The following SH2D4B variants were observed in gnomAD, a reference collection of about 807,000 sequenced individuals.
SH2D4B encodes the protein SH2 domain-containing protein 4B.
A neutral mutation model predicts 61.5 loss-of-function variants in SH2D4B; 45 were observed. The observed-to-expected ratio is 0.73, with a 90% CI of 0.58 to 0.94. The LOEUF is 0.94. Ranked by LOEUF, SH2D4B falls within the 40% of genes least tolerant of loss-of-function variation. The pLI is 0.00. For missense variants in SH2D4B, 572 were observed against 574.2 expected, an observed-to-expected ratio of 1.00 and a Z score of 0.04; for synonymous variants, 224 against 220.4, an observed-to-expected ratio of 1.02 and a Z score of -0.14.
At chr10:80,562,148 C>A (rs951503108) in intron 1 of SH2D4B, among the ~76,000 whole-genome samples, 7 of 152,022 alleles carry the variant, frequency 4.6e-5, no homozygotes, top group African/African-American at 1.7e-4. Context: ...ATTCCACATG[C>A]AAGTGAGATA....
intron 4 of SH2D4B, among the ~76,000 whole-genome samples, chr10:80,589,877 T>A (rs1842306591): frequency 6.6e-6 from 1 of 151,114 alleles, no homozygotes; most frequent in Non-Finnish European, 1.5e-5. Context: ...GTGGTGAGAG[T>A]TTGGGGAGTG....
intron 6 of SH2D4B, among the ~76,000 whole-genome samples, chr10:80,623,594 T>G (rs1216222688): frequency 6.6e-6 from 1 of 152,194 alleles, no homozygotes; most frequent in African/African-American, 2.4e-5. Flanking sequence ...ACTTCTGGTT[T>G]TGTTCTTTAG....
intron 3 of SH2D4B, among the ~76,000 whole-genome samples, chr10:80,573,668 C>T (rs1236057496): frequency 6.6e-6 from 1 of 152,006 alleles, no homozygotes; most frequent in Non-Finnish European, 1.5e-5. Context: ...GTGGATTTTT[C>T]TTCTTTGATT....
At chr10:80,575,989 C>T (rs11186130) in intron 3 of SH2D4B, among the ~76,000 whole-genome samples, 2,974 of 152,328 alleles carry the variant, frequency 0.02, 84 homozygotes, top group African/African-American at 0.068. Flanking sequence ...CTTTTTATCT[C>T]TCTCCTAACC....
At chr10:80,565,006 T>C (rs1341780261) in intron 1 of SH2D4B, among the ~76,000 whole-genome samples, 1 of 152,162 alleles carries the variant, frequency 6.6e-6, no homozygotes, top group Non-Finnish European at 1.5e-5. Context: ...ACATTGGAAG[T>C]GAGGTACAGA....
At chr10:80,639,384 G>T (rs1362269960) in intron 7 of SH2D4B, among the ~76,000 whole-genome samples, 4 of 152,298 alleles carry the variant, frequency 2.6e-5, no homozygotes, top group Middle Eastern at 3.4e-3. Flanking sequence ...TTGACAGGGG[G>T]TGTTAAAGTC....
chr10:80,629,054 G>GAAAA (rs1176200160), intron 6 of SH2D4B, among the ~76,000 whole-genome samples: 2 of 149,930 alleles, frequency 1.3e-5, no homozygotes. Flanking sequence ...AAAAGAAAAA[G>GAAAA]AAATACCCAA....
chr10:80,547,726 C>CGT (rs1005639135), intron 1 of SH2D4B, among the ~76,000 whole-genome samples: 10 of 152,076 alleles, frequency 6.6e-5, no homozygotes, highest in African/African-American at 2.4e-4. Flanking sequence ...TACTTGATCA[C>CGT]GTGTGTATAA....
intron 6 of SH2D4B, among the ~76,000 whole-genome samples, chr10:80,626,512 G>A (rs558655115): frequency 2.6e-5 from 4 of 152,168 alleles, no homozygotes; most frequent in East Asian, 3.9e-4. Context: ...TGTGGGACTC[G>A]GATTCTATAT....
chr10:80,638,364 C>T (rs1242562665), intron 7 of SH2D4B, among the ~76,000 whole-genome samples: 1 of 152,194 alleles, frequency 6.6e-6, no homozygotes, highest in Non-Finnish European at 1.5e-5. Context: ...AGGAATGGAA[C>T]CAGCTCCTCG....
intron 3 of SH2D4B, among the ~76,000 whole-genome samples, chr10:80,580,693 T>G (rs188939044): frequency 6.6e-6 from 1 of 152,272 alleles, no homozygotes; most frequent in African/African-American, 2.4e-5. Context: ...TTTTAAAAAA[T>G]TTTTCACTTT....
At chr10:80,638,126 G>A (rs1470614680) in intron 7 of SH2D4B, among the ~76,000 whole-genome samples, 1 of 152,182 alleles carries the variant, frequency 6.6e-6, no homozygotes, top group African/African-American at 2.4e-5. Flanking sequence ...TTGCATCCCA[G>A]GGATGAAGCT....
At chr10:80,570,459 A>G (rs1224506641) in intron 2 of SH2D4B, 143 bp downstream of exon 2, 2 of 1,021,920 alleles carry the variant, frequency 2.0e-6, no homozygotes, top group Non-Finnish European at 2.8e-6. Context: ...ACCTCAGGTG[A>G]GCCACCCGCT....
chr10:80,547,165 C>T (rs1240712551), intron 1 of SH2D4B, among the ~76,000 whole-genome samples: 1 of 152,168 alleles, frequency 6.6e-6, no homozygotes, highest in Non-Finnish European at 1.5e-5. Flanking sequence ...TGCTTTATTT[C>T]CCCTTTGCCC....
At chr10:80,556,919 G>C (rs543703541) in intron 1 of SH2D4B, among the ~76,000 whole-genome samples, 83 of 152,000 alleles carry the variant, frequency 5.5e-4, no homozygotes, top group African/African-American at 1.9e-3. Context: ...TACTGATTAG[G>C]GTCTTCAGTC....
Position 80,538,948 on chromosome 10 carries a change from G to A in SH2D4B, c.184+433G>A, listed in dbSNP as rs1441401926. Among the ~76,000 whole-genome samples, 2 of 152,236 alleles carry A rather than the reference G, an allele frequency of 1.3e-5. No individual in the cohort carries two copies. Among genetic ancestry groups the A allele is most frequent in the African/African-American group, 2.4e-5 (1 of 41,464 alleles). On this transcript the variant is annotated intron_variant, in intron 1 of 7. Transcript: ENST00000646907. The surrounding 1 kb of genome is among the most constrained non-coding windows in gnomAD (Gnocchi z 4.8). ...TCTCCTTGGCATGCGTGGCACACCA[G>A]TTCTTGGCTAGGGCCCCTTCTGTGG... is the stretch of plus-strand genomic sequence containing the variant.
rs138649259 is a variant in SH2D4B, at chr10:80,565,382, T to G, written c.185-4772T>G. ...CCTCTATCTCCATGAAGAACTTTAT[T>G]TCTTTTCCTTTTTTTTTTTCTTTTA... On this transcript the variant is annotated intron_variant, in intron 1 of 7. Coordinates refer to ENST00000646907, the MANE Select transcript of SH2D4B (RefSeq NM_001388272.1). 2.7e-3 allele frequency among the ~76,000 whole-genome samples: 404 copies of G among 148,630 alleles called. 1 individual carries two copies. Among genetic ancestry groups the G allele is most frequent in the African/African-American group, 9.9e-3 (394 of 39,968 alleles).
intron 1 of SH2D4B, among the ~76,000 whole-genome samples, chr10:80,545,169 T>A (rs1841656261): frequency 6.6e-6 from 1 of 152,234 alleles, no homozygotes; most frequent in Non-Finnish European, 1.5e-5. Flanking sequence ...TTCAAAATAT[T>A]GTCCAACTAT....
At chr10:80,604,120 C>G (rs1393669876) in intron 5 of SH2D4B, among the ~76,000 whole-genome samples, 2 of 152,218 alleles carry the variant, frequency 1.3e-5, no homozygotes, top group South Asian at 2.1e-4. Flanking sequence ...ATTTGAGACT[C>G]TAAGGGCCTC....
Sources: gnomAD v4.1 joint callset for allele counts (sites outside exome capture counted in the v4.1 genomes callset) on GRCh38, gnomAD v4.1.1 for gene constraint, Gnocchi (gnomAD v3.1) non-coding constraint, MANE v1.5 for transcripts, NCBI Gene and HGNC (gene_info 2026-07-23, HGNC 2026-07-21) for gene names.